KPNA3: variants seen among roughly 807,000 people sequenced by gnomAD.
KPNA3 encodes the protein karyopherin subunit alpha 3.
KPNA3 carries 13 observed loss-of-function variants against 73.8 expected under a neutral mutation model. That is an observed-to-expected ratio of 0.18 (90% CI 0.11 to 0.28). KPNA3 has a LOEUF of 0.28. KPNA3 is among the 10% of genes least tolerant of loss of function. KPNA3 has a pLI of 1.00. For synonymous variants in KPNA3, 186 were observed against 206.9 expected, an observed-to-expected ratio of 0.90 and a Z score of 0.87; for missense variants, 360 against 618.1, an observed-to-expected ratio of 0.58 and a Z score of 4.43.
intron 10 of KPNA3, among the ~76,000 whole-genome samples, chr13:49,718,228 A>G (rs1170697044): frequency 1.3e-5 from 2 of 152,236 alleles, no homozygotes; most frequent in Non-Finnish European, 2.9e-5. Context: ...GATCCAGCAC[A>G]GCAATTTCTT....
chr13:49,775,358 C>A (rs1359274623), intron 1 of KPNA3, among the ~76,000 whole-genome samples: 3 of 151,868 alleles, frequency 2.0e-5, no homozygotes. Flanking sequence ...GATAAAAGGA[C>A]AAGGCTACAT....
At chr13:49,726,444 G>A (rs186077954) in intron 6 of KPNA3, among the ~76,000 whole-genome samples, 7 of 152,284 alleles carry the variant, frequency 4.6e-5, no homozygotes, top group Admixed American at 2.6e-4. Context: ...GTGTAGGAAC[G>A]ACAAGGATTA....
At chr13:49,734,950 T>TAGAGAGAGAGAGAGAGAG (rs879944192) in intron 2 of KPNA3, among the ~76,000 whole-genome samples, 1 of 76,092 alleles carries the variant, frequency 1.3e-5, no homozygotes, top group African/African-American at 3.5e-5. Flanking sequence ...GAGAGAGAGA[T>TAGAGAGAGAGAGAGAGAG]AGATAGAGAG....
At chr13:49,727,117 A>T (rs978028355) in intron 6 of KPNA3, among the ~76,000 whole-genome samples, 1 of 152,132 alleles carries the variant, frequency 6.6e-6, no homozygotes, top group African/African-American at 2.4e-5. Context: ...AAAAGCCTAT[A>T]AACAGGGAAG....
intron 10 of KPNA3, 133 bp from the exon 11 acceptor site, chr13:49,711,155 T>A (rs541178358): frequency 3.0e-6 from 2 of 674,152 alleles, no homozygotes; most frequent in East Asian, 2.9e-5. Context: ...AATATCTGCT[T>A]AGCTGATTAA....
intron 1 of KPNA3, among the ~76,000 whole-genome samples, chr13:49,755,590 A>T (rs2137577199): frequency 6.6e-6 from 1 of 152,244 alleles, no homozygotes; most frequent in Admixed American, 6.5e-5. Context: ...AGGTCAAGAG[A>T]TCAAGACCAT....
intron 1 of KPNA3, among the ~76,000 whole-genome samples, chr13:49,777,674 T>C (rs1954908612): frequency 6.6e-6 from 1 of 151,464 alleles, no homozygotes; most frequent in South Asian, 2.1e-4. Flanking sequence ...ATGATTTTTT[T>C]TTTTTTTTGT....
At chr13:49,748,600 A>G (rs1954637774) in intron 1 of KPNA3, among the ~76,000 whole-genome samples, 1 of 152,136 alleles carries the variant, frequency 6.6e-6, no homozygotes, top group Non-Finnish European at 1.5e-5. Context: ...TAAAATCCAA[A>G]TTATAAAGTT....
intron 1 of KPNA3, among the ~76,000 whole-genome samples, chr13:49,747,282 G>A (rs1462432722): frequency 3.3e-5 from 5 of 152,086 alleles, no homozygotes; most frequent in Non-Finnish European, 5.9e-5. Flanking sequence ...GAGGCGGGGG[G>A]ATGCAGCAAG....
intron 15 of KPNA3, among the ~76,000 whole-genome samples, chr13:49,704,944 T>C (rs1264477638): frequency 6.6e-6 from 1 of 152,188 alleles, no homozygotes; most frequent in Non-Finnish European, 1.5e-5. Flanking sequence ...AAGTGTTTCA[T>C]TGTTAAGAAG....
At chr13:49,736,974 C>T (rs1390531126) in intron 2 of KPNA3, among the ~76,000 whole-genome samples, 1 of 152,054 alleles carries the variant, frequency 6.6e-6, no homozygotes, top group African/African-American at 2.4e-5. Flanking sequence ...GTATAATTGT[C>T]TGGAGATTTA....
At chr13:49,755,658 G>A (rs564900415) in intron 1 of KPNA3, among the ~76,000 whole-genome samples, 1 of 152,140 alleles carries the variant, frequency 6.6e-6, no homozygotes, top group Non-Finnish European at 1.5e-5. Flanking sequence ...GGGCGTGGTG[G>A]TGCACACCTG....
At chr13:49,739,538 G>T (rs1371493481) in intron 2 of KPNA3, among the ~76,000 whole-genome samples, 2 of 152,142 alleles carry the variant, frequency 1.3e-5, no homozygotes, top group African/African-American at 4.8e-5. Context: ...AGAGCAAGGA[G>T]GTAAAAGAAA....
intron 1 of KPNA3, among the ~76,000 whole-genome samples, chr13:49,787,743 G>T (rs1024581724): frequency 3.3e-5 from 5 of 150,096 alleles, no homozygotes; most frequent in African/African-American, 9.8e-5. Context: ...GCAGTGGTGC[G>T]ATCTTGACTC....
intron 11 of KPNA3, 49 bp from the exon 12 acceptor site, chr13:49,709,749 T>G: frequency 1.3e-6 from 2 of 1,543,610 alleles, no homozygotes; most frequent in East Asian, 2.3e-5. Context: ...CTTATAAGAC[T>G]AATTCTATAT....
chr13:49,731,785 G>A (rs1168399677), intron 6 of KPNA3, among the ~76,000 whole-genome samples: 2 of 152,094 alleles, frequency 1.3e-5, no homozygotes, highest in African/African-American at 4.8e-5. Flanking sequence ...ATGGAAATAG[G>A]GCCAGTTCCT....
At chr13:49,775,414 C>T (rs1954890040) in intron 1 of KPNA3, among the ~76,000 whole-genome samples, 1 of 152,122 alleles carries the variant, frequency 6.6e-6, no homozygotes, top group Admixed American at 6.5e-5. Flanking sequence ...TAGGGCAGCA[C>T]ACCACATGGG....
intron 1 of KPNA3, among the ~76,000 whole-genome samples, chr13:49,781,849 T>C (rs1954943205): frequency 1.3e-5 from 2 of 152,160 alleles, no homozygotes; most frequent in Admixed American, 1.3e-4. Context: ...GCAACTGACT[T>C]GGGTAAATTT....
intron 1 of KPNA3, among the ~76,000 whole-genome samples, chr13:49,786,663 GAAGA>G (rs1259320854): frequency 3.3e-5 from 5 of 152,288 alleles, no homozygotes; most frequent in African/African-American, 1.2e-4. Flanking sequence ...ACAAAGGCAT[GAAGA>G]AGAAACTACT....
Sources: allele counts gnomAD v4.1 joint callset (sites outside exome capture counted in the v4.1 genomes callset), GRCh38; gene constraint gnomAD v4.1.1; transcripts MANE v1.5; gene names NCBI Gene and HGNC (gene_info 2026-07-23, HGNC 2026-07-21).